The following FBXO3 variants were observed in gnomAD, a reference collection of about 807,000 sequenced individuals.
FBXO3 encodes the protein F-box only protein 3.
In FBXO3, 17 loss-of-function variants were observed where a neutral mutation model predicts 64.8. The ratio of observed to expected loss-of-function variants is 0.26; its 90% CI spans 0.18 to 0.39. The LOEUF (loss-of-function observed/expected upper bound fraction) is 0.39, where lower values mean the gene tolerates loss of function less well. Ranked by LOEUF, FBXO3 falls within the 10% of genes least tolerant of loss-of-function variation. The probability of loss-of-function intolerance (pLI) is 1.00; values close to 1 mark genes in which losing one functional copy is unlikely to be tolerated. For missense variants in FBXO3, 420 were observed against 589.9 expected (o/e 0.71, Z 2.98); for synonymous variants, 182 against 201.6 (o/e 0.90, Z 0.82).
chr11:33,746,840 A>G (rs1854824526), intron 10 of FBXO3: 2 of 1,416,674 alleles, frequency 1.4e-6, no homozygotes, highest in African/African-American at 1.4e-5. Context: ...CCAGTCTTAA[A>G]GCTGATTCTA....
intron 6 of FBXO3, 28 bp downstream of exon 6, chr11:33,754,427 G>C: frequency 6.5e-7 from 1 of 1,547,268 alleles, no homozygotes; most frequent in Non-Finnish European, 8.7e-7. Flanking sequence ...GAAGAAGAAG[G>C]GGGAAAAAAG....
rs1029573130 is a variant in FBXO3, at chr11:33,746,738, T to A, written c.1239+392A>T. 2.1e-6 allele frequency: 3 copies of A among 1,427,240 alleles called. No individual in the cohort carries two copies. In the African/African-American group the frequency reaches 4.3e-5, roughly 21 times the overall value. The allele number at this position is 1,427,240 out of a possible 1,614,324, so 88.4% of individuals were successfully genotyped here. A position where few individuals can be genotyped will look rare whatever the true frequency, so the allele number is the denominator to read the frequency against. On this transcript the variant is annotated intron_variant, in intron 10 of 10. Transcript: ENST00000265651. The stretch of plus-strand genomic sequence containing the variant: ...ACTGCCAAAAGTACACATCCACACA[T>A]TAAATTTTCTTTATAATGATCTTTA...
chr11:33,773,053 G>C (rs1034932912), intron 1 of FBXO3: 2 of 151,910 alleles, frequency 1.3e-5, no homozygotes, highest in Non-Finnish European at 2.9e-5. Flanking sequence ...GATTTGGTTA[G>C]AATGGATGGT....
At chr11:33,773,046 TTGGTTAGAA>T (rs1226536818) in intron 1 of FBXO3, 1 of 151,196 alleles carries the variant, frequency 6.6e-6, no homozygotes, top group Non-Finnish European at 1.5e-5. Context: ...GAGGTCTGAT[TTGGTTAGAA>T]TGGATGGTGC....
intron 3 of FBXO3, among the ~76,000 whole-genome samples, chr11:33,765,722 G>A (rs552848234): frequency 6.6e-6 from 1 of 152,118 alleles, no homozygotes; most frequent in Non-Finnish European, 1.5e-5. Context: ...TCTCATGAAT[G>A]GTTTAGCATC....
chr11:33,758,356 C>A (rs1375688113), intron 4 of FBXO3, 131 bp downstream of exon 4: 3 of 544,764 alleles, frequency 5.5e-6, no homozygotes. Context: ...TTATGGATTG[C>A]TATAAAGGAG....
In FBXO3 at chr11:33,755,721, A is replaced by G. The variant is rs774205224; in HGVS notation, c.678+50T>C. On this transcript the variant is annotated intron_variant, in intron 5 of 10. Coordinates refer to ENST00000265651, the MANE Select transcript of FBXO3 (RefSeq NM_012175.4). ...AAATACCTAATGCATGCATTTATAC[A>G]ACCATCAGAACACATCTTAATGCCA... 7.0e-5 allele frequency: 95 copies of G among 1,352,802 alleles called. 1 individual carries two copies. In the East Asian group the frequency reaches 2.1e-3, roughly 30 times the overall value. 83.8% of individuals were successfully genotyped at this position (1,352,802 alleles called of 1,614,324 possible).
chr11:33,746,727 A>G, intron 10 of FBXO3: 1 of 1,416,284 alleles, frequency 7.1e-7, no homozygotes, highest in South Asian at 1.5e-5. Flanking sequence ...CCAAAAGTAC[A>G]CATCCACACA....
intron 3 of FBXO3, among the ~76,000 whole-genome samples, chr11:33,767,998 A>T (rs955524752): frequency 6.6e-6 from 1 of 152,230 alleles, no homozygotes; most frequent in Non-Finnish European, 1.5e-5. Context: ...TGAAAGTAAT[A>T]TTTGCATGGG....
In FBXO3 at chr11:33,768,930, A is replaced by C; in HGVS notation, c.279T>G (p.Tyr93Ter). Residue 93 changes from tyrosine (Y) to a stop codon, truncating the protein, a stop_gained, in exon 3 of 11, where the codon TAT becomes TAG. Transcript: ENST00000265651. LOFTEE classifies it high-confidence loss of function. ...YSDVGRYIDH[Y>*]AAIKKAWDDL... is the part of the protein sequence containing the mutation. The stretch of plus-strand genomic sequence containing the variant: ...CATCCCAGGCCTTTTTAATAGCAGC[A>C]TAATGGTCAATGTATCTTCCTACAT... The C allele has an allele frequency of 6.2e-7, 1 of 1,614,086 alleles. No individual in the cohort carries two copies. The highest frequency in any genetic ancestry group is 8.5e-7 in the Non-Finnish European group (1 of 1,179,934).
At chr11:33,747,824 T>G (rs2133594852) in intron 9 of FBXO3, among the ~76,000 whole-genome samples, 1 of 151,970 alleles carries the variant, frequency 6.6e-6, no homozygotes, top group South Asian at 2.1e-4. Flanking sequence ...CTCAACATTT[T>G]TTTAATGTAT....
At position 33,770,634 on chromosome 11, in the gene FBXO3, C is replaced by G. The variant is rs1021194511; in HGVS notation, c.194+107G>C. The G allele has an allele frequency of 1.4e-5, 11 of 798,336 alleles. No homozygotes were observed. The Admixed American group carries it at 2.3e-4, about 16-fold the overall frequency. 49.5% of individuals were successfully genotyped at this position (798,336 alleles called of 1,614,324 possible). On this transcript the variant is annotated intron_variant, in intron 2 of 10. Transcript: ENST00000265651. The stretch of plus-strand genomic sequence containing the variant: ...TACTAGCAGGCACGAGAAGAGCCAC[C>G]AAAGGAGATAAAGAGACAAGGGTTA...
intron 3 of FBXO3, among the ~76,000 whole-genome samples, chr11:33,762,728 GAAA>G (rs34611010): frequency 7.1e-6 from 1 of 141,526 alleles, no homozygotes; most frequent in African/African-American, 2.6e-5. Context: ...CCCAAGTCAG[GAAA>G]AAAAAAAAAA....
At chr11:33,756,948 G>C (rs1855111689) in intron 4 of FBXO3, 1 of 514,238 alleles carries the variant, frequency 1.9e-6, no homozygotes, top group Non-Finnish European at 3.9e-6. Flanking sequence ...ACCCAGGTTG[G>C]TCTTGAACTC....
intron 1 of FBXO3, chr11:33,773,358 C>T (rs1280932972): frequency 6.6e-6 from 1 of 152,222 alleles, no homozygotes; most frequent in African/African-American, 2.4e-5. Context: ...CTCTCTATCA[C>T]CACTTAGCTA....
intron 3 of FBXO3, among the ~76,000 whole-genome samples, chr11:33,766,873 G>A (rs897766213): frequency 1.3e-5 from 2 of 151,658 alleles, no homozygotes; most frequent in Non-Finnish European, 2.9e-5. Flanking sequence ...TCATGGCAAA[G>A]CCCCAGAGAA....
intron 5 of FBXO3, among the ~76,000 whole-genome samples, chr11:33,755,147 C>T (rs1375635992): frequency 1.3e-5 from 2 of 152,132 alleles, no homozygotes; most frequent in Non-Finnish European, 2.9e-5. Flanking sequence ...ACTGAGATCA[C>T]AGGCATGAGC....
chr11:33,769,702 T>G lies in FBXO3; in HGVS notation c.195-688A>C, dbSNP rs551646874. Reference sequence around the variant, plus strand: ...GCTTGGTAAGCCTTTGTGATGAATATAGAAGGAGGGAGAGAAGTGGGGAGA... The same window carrying G: ...GCTTGGTAAGCCTTTGTGATGAATAGAGAAGGAGGGAGAGAAGTGGGGAGA... On this transcript the variant is annotated intron_variant, in intron 2 of 10. Transcript: ENST00000265651. 3.3e-5 allele frequency among the ~76,000 whole-genome samples: 5 copies of G among 151,754 alleles called. No individual in the cohort carries two copies. The South Asian group carries it at 1.0e-3, about 32-fold the overall frequency.
chr11:33,746,926 A>G, intron 10 of FBXO3: 1 of 1,430,804 alleles, frequency 7.0e-7, no homozygotes, highest in Non-Finnish European at 9.1e-7. Flanking sequence ...TCTTTAAAAC[A>G]GCAGAAATTC....
Sources: allele counts gnomAD v4.1 joint callset (sites outside exome capture counted in the v4.1 genomes callset), GRCh38; gene constraint gnomAD v4.1.1; transcripts MANE v1.5; gene names NCBI Gene and HGNC (gene_info 2026-07-23, HGNC 2026-07-21).